SCN3A: variants seen among roughly 807,000 people sequenced by gnomAD.
The protein encoded by SCN3A is sodium channel protein type 3 subunit alpha.
SCN3A carries 60 observed loss-of-function variants against 187.6 expected under a neutral mutation model. The observed-to-expected ratio is 0.32, with a 90% CI of 0.26 to 0.40. The LOEUF (loss-of-function observed/expected upper bound fraction) is 0.40. SCN3A is among the 10% of genes least tolerant of loss of function. The pLI is 1.00. For synonymous variants in SCN3A, 788 were observed against 829.2 expected (o/e 0.95, Z 0.85); for missense variants, 1,601 against 2,428.2 (o/e 0.66, Z 7.16).
At chr2:165,094,342 T>C (rs759224402) in intron 26 of SCN3A, 32 bp downstream of exon 26, 1 of 1,493,368 alleles carries the variant, frequency 6.7e-7, no homozygotes, top group Admixed American at 1.7e-5. Flanking sequence ...ACGCATGGCT[T>C]TGGAACATTA....
At chr2:165,128,521 T>C (rs1478707547) in intron 17 of SCN3A, among the ~76,000 whole-genome samples, 1 of 152,202 alleles carries the variant, frequency 6.6e-6, no homozygotes, top group Non-Finnish European at 1.5e-5. Flanking sequence ...ATTTCTAGCT[T>C]CGTGTATATA....
intron 21 of SCN3A, among the ~76,000 whole-genome samples, chr2:165,107,669 A>G (rs951217648): frequency 7.9e-5 from 12 of 152,228 alleles, no homozygotes; most frequent in Non-Finnish European, 1.3e-4. Context: ...CTAGTTCAGC[A>G]CAATATGCCA....
intron 18 of SCN3A, among the ~76,000 whole-genome samples, chr2:165,116,737 G>C (rs541805630): frequency 3.2e-4 from 48 of 152,218 alleles, no homozygotes; most frequent in African/African-American, 1.0e-3. Flanking sequence ...ACTAATTAAA[G>C]GGTAGTATCC....
In SCN3A at chr2:165,095,658, A is replaced by T. The variant is rs372224235; in HGVS notation, c.4294-10T>A. 7.8e-7 allele frequency: 1 copy of T among 1,274,356 alleles called. No homozygotes were observed. Among genetic ancestry groups the T allele is most frequent in the Non-Finnish European group, 1.1e-6 (1 of 877,136 alleles). 78.9% of individuals were successfully genotyped at this position (1,274,356 alleles called of 1,614,324 possible). On this transcript the variant is annotated splice_polypyrimidine_tract_variant and intron_variant, in intron 24 of 27. Transcript: ENST00000283254. Reference sequence around the variant, plus strand: ...CAGGCTGAAGTTTAACCTAAATGATATTGAAAATATTAAATAATATGAAAA... The same window carrying T: ...CAGGCTGAAGTTTAACCTAAATGATTTTGAAAATATTAAATAATATGAAAA...
intron 21 of SCN3A, among the ~76,000 whole-genome samples, chr2:165,110,637 C>A: frequency 6.6e-6 from 1 of 152,000 alleles, no homozygotes; most frequent in East Asian, 1.9e-4. Context: ...TTAGTGAATC[C>A]CCAGTACTCT....
chr2:165,095,714 TTTA>T (rs1310706469), intron 24 of SCN3A, 66 bp from the exon 25 acceptor site: 1 of 936,764 alleles, frequency 1.1e-6, no homozygotes, highest in African/African-American at 1.7e-5. Flanking sequence ...AAATCAGTAA[TTTA>T]TTGAGTGCTG....
intron 3 of SCN3A, among the ~76,000 whole-genome samples, chr2:165,172,278 A>C (rs1172322030): frequency 6.6e-6 from 1 of 152,238 alleles, no homozygotes; most frequent in East Asian, 1.9e-4. Flanking sequence ...TTCTCTGTTC[A>C]TTGCCTTTTT....
chr2:165,120,195 C>T (rs565292962), intron 18 of SCN3A, among the ~76,000 whole-genome samples: 13 of 152,002 alleles, frequency 8.6e-5, no homozygotes, highest in African/African-American at 3.1e-4. Flanking sequence ...GCACGCTGAT[C>T]CAAGAACCAT....
At chr2:165,091,397 A>G in intron 27 of SCN3A, 52 bp from the exon 28 acceptor site, 1 of 1,607,056 alleles carries the variant, frequency 6.2e-7, no homozygotes. Context: ...CACTTACATG[A>G]TGGCTTTATC....
At chr2:165,102,292 C>T (rs539221183) in intron 21 of SCN3A, among the ~76,000 whole-genome samples, 1 of 152,330 alleles carries the variant, frequency 6.6e-6, no homozygotes, top group Non-Finnish European at 1.5e-5. Flanking sequence ...GGGAGGATCA[C>T]TTAAGGCCAT....
intron 12 of SCN3A, among the ~76,000 whole-genome samples, chr2:165,146,457 G>GATAT (rs3030593): frequency 0.22 from 32,038 of 144,116 alleles, 3,565 homozygotes; most frequent in East Asian, 0.31. Context: ...TATACAGGTT[G>GATAT]ATATATAGGT....
chr2:165,148,253 C>A (rs1688472228), intron 11 of SCN3A, among the ~76,000 whole-genome samples: 1 of 151,986 alleles, frequency 6.6e-6, no homozygotes, highest in Non-Finnish European at 1.5e-5. Flanking sequence ...GACTTTGATG[C>A]TTCTGAAGAA....
Position 165,128,104 on chromosome 2 carries a change from A to G in SCN3A, c.2923-3T>C, listed in dbSNP as rs1403381843. On this transcript the variant is annotated splice_polypyrimidine_tract_variant and splice_region_variant and intron_variant, in intron 17 of 27. Coordinates refer to ENST00000283254, the MANE Select transcript of SCN3A (RefSeq NM_006922.4). ...AAGGCCAGAAAGAGGTTCAGAACCT[A>G]AAAGAAAAAAAGAAAAATGTCTATT... is the stretch of plus-strand genomic sequence containing the variant. 2 of 1,589,724 alleles carry G rather than the reference A, an allele frequency of 1.3e-6. No homozygotes were observed. The highest frequency in any genetic ancestry group is 3.5e-5 in the Admixed American group (2 of 57,292).
chr2:165,145,574 G>T (rs1688268597), intron 12 of SCN3A, among the ~76,000 whole-genome samples: 2 of 151,728 alleles, frequency 1.3e-5, no homozygotes, highest in African/African-American at 4.8e-5. Flanking sequence ...AAAAATATTT[G>T]TTTACATATT....
chr2:165,154,605 G>T lies in SCN3A; in HGVS notation c.1227C>A (p.Phe409Leu). 6.2e-7 allele frequency: 1 copy of T among 1,614,078 alleles called. No individual in the cohort carries two copies. Among genetic ancestry groups the T allele is most frequent in the Non-Finnish European group, 8.5e-7 (1 of 1,180,010 alleles). Reference sequence around the variant, plus strand: ...AATTCACCAAATAAAATGAGCCCAAGAAAATGACCAGGACAAAAAATATCA... The same window carrying T: ...AATTCACCAAATAAAATGAGCCCAATAAAATGACCAGGACAAAAAATATCA... ...TYMIFFVLVI[F>L]LGSFYLVNLI... is the part of the protein sequence containing the mutation. The change falls in exon 11 of 28, where the codon TTC (phenylalanine) becomes TTA (leucine). Residue 409 changes from phenylalanine to leucine, a missense_variant. By Grantham distance (22) the Phe-to-Leu change is conservative. Coordinates refer to ENST00000283254, the MANE Select transcript of SCN3A (RefSeq NM_006922.4).
At chr2:165,106,453 T>G (rs1685864256) in intron 21 of SCN3A, among the ~76,000 whole-genome samples, 1 of 152,222 alleles carries the variant, frequency 6.6e-6, no homozygotes, top group South Asian at 2.1e-4. Context: ...TAATTACTTC[T>G]GTTTATGAAG....
intron 3 of SCN3A, among the ~76,000 whole-genome samples, chr2:165,171,379 T>C (rs1409831578): frequency 6.6e-6 from 1 of 152,000 alleles, no homozygotes; most frequent in Non-Finnish European, 1.5e-5. Flanking sequence ...TAATGCAAAC[T>C]CCCTTCATTT....
At chr2:165,198,113 G>A (rs1386436473) in intron 1 of SCN3A, among the ~76,000 whole-genome samples, 2 of 151,274 alleles carry the variant, frequency 1.3e-5, no homozygotes, top group Non-Finnish European at 3.0e-5. Context: ...GTGGAAGTGG[G>A]AATATTACAT....
intron 1 of SCN3A, among the ~76,000 whole-genome samples, chr2:165,203,533 A>G (rs1053694491): frequency 2.0e-5 from 3 of 152,104 alleles, no homozygotes; most frequent in Admixed American, 2.0e-4. Context: ...CTTTAAGTAT[A>G]ATAAAAAATA....
Sources: gnomAD v4.1 joint callset for allele counts (sites outside exome capture counted in the v4.1 genomes callset) on GRCh38, gnomAD v4.1.1 for gene constraint, MANE v1.5 for transcripts, NCBI Gene and HGNC (gene_info 2026-07-23, HGNC 2026-07-21) for gene names.